The following KRT8 variants were observed in gnomAD, a reference collection of about 807,000 sequenced individuals.
KRT8 encodes the protein keratin, type II cytoskeletal 8.
Under a neutral mutation model 43.0 loss-of-function variants are expected in KRT8, and 24 were observed. That is an observed-to-expected ratio of 0.56 (90% CI 0.40 to 0.78). The LOEUF (loss-of-function observed/expected upper bound fraction) is 0.78. KRT8 is among the 30% of genes least tolerant of loss of function. The probability of loss-of-function intolerance (pLI) is 0.00; values close to 1 mark genes in which losing one functional copy is unlikely to be tolerated. For missense variants in KRT8, 492 were observed against 638.4 expected (o/e 0.77, Z 2.47); for synonymous variants, 214 against 261.2 (o/e 0.82, Z 1.74).
At chr12:52,949,359 C>A (rs771773665) in intron 2 of KRT8, 2 of 1,610,600 alleles carry the variant, frequency 1.2e-6, no homozygotes, top group Non-Finnish European at 1.7e-6. Context: ...GGTCCGGGGG[C>A]CTGGCCACCG....
chr12:52,943,158 G>A (rs74089293), intron 2 of KRT8, among the ~76,000 whole-genome samples: 2,254 of 152,256 alleles, frequency 0.015, 57 homozygotes, highest in African/African-American at 0.052. Context: ...CCGTCCATCA[G>A]TTCTGCGACC....
chr12:52,929,907 A>T (rs183815081), intron 2 of KRT8, among the ~76,000 whole-genome samples: 1 of 152,086 alleles, frequency 6.6e-6, no homozygotes, highest in African/African-American at 2.4e-5. Flanking sequence ...TGGATGTCCC[A>T]CCTAAGCCTC....
chr12:52,900,093 G>T (rs1026148086), intron 4 of KRT8, 28 bp from the exon 5 acceptor site: 2 of 1,610,502 alleles, frequency 1.2e-6, no homozygotes, highest in African/African-American at 1.3e-5. Context: ...AAGTGGTGAG[G>T]CCCTGTCTCT....
chr12:52,918,026 A>ACAG (rs1555188259), intron 2 of KRT8, among the ~76,000 whole-genome samples: 1 of 45,400 alleles, frequency 2.2e-5, no homozygotes, highest in Non-Finnish European at 4.8e-5. Flanking sequence ...GAGAAGAAGA[A>ACAG]GAGGAGGAGG....
chr12:52,901,545 G>A, intron 2 of KRT8: 1 of 555,058 alleles, frequency 1.8e-6, no homozygotes, highest in Non-Finnish European at 3.2e-6. Context: ...CTAAAGAGGG[G>A]CCAGAATGTT....
intron 2 of KRT8, among the ~76,000 whole-genome samples, chr12:52,939,061 G>T (rs2120725474): frequency 6.6e-6 from 1 of 151,826 alleles, no homozygotes; most frequent in South Asian, 2.1e-4. Context: ...CTCCAACCTG[G>T]GTGACAGAGC....
At chr12:52,932,502 G>A (rs1275219812) in intron 2 of KRT8, among the ~76,000 whole-genome samples, 1 of 152,056 alleles carries the variant, frequency 6.6e-6, no homozygotes, top group Non-Finnish European at 1.5e-5. Flanking sequence ...CCTCTTCCCT[G>A]TAGGTATGTT....
chr12:52,942,089 G>A (rs1335605279), intron 2 of KRT8, among the ~76,000 whole-genome samples: 1 of 152,038 alleles, frequency 6.6e-6, no homozygotes, highest in Non-Finnish European at 1.5e-5. Flanking sequence ...GATTATTATT[G>A]TCTAGTTGTA....
chr12:52,940,979 A>G (rs1852431086), intron 2 of KRT8, among the ~76,000 whole-genome samples: 2 of 152,008 alleles, frequency 1.3e-5, no homozygotes, highest in African/African-American at 4.8e-5. Context: ...TGGCATTTCC[A>G]CAGCTGCATC....
chr12:52,945,443 C>T (rs916457709), intron 2 of KRT8, among the ~76,000 whole-genome samples: 14 of 152,172 alleles, frequency 9.2e-5, no homozygotes, highest in African/African-American at 2.2e-4. Flanking sequence ...GTTGCTGTTC[C>T]GAACACCTCC....
intron 2 of KRT8, among the ~76,000 whole-genome samples, chr12:52,918,240 A>AGAAGAAGAAGAG (rs1941814446): frequency 1.3e-5 from 2 of 151,828 alleles, no homozygotes; most frequent in African/African-American, 4.8e-5. Context: ...AAGAAGAAGA[A>AGAAGAAGAAGAG]GAAGAAGAAG....
intron 2 of KRT8, among the ~76,000 whole-genome samples, chr12:52,932,423 CACA>C (rs1270569894): frequency 6.6e-6 from 1 of 152,038 alleles, no homozygotes; most frequent in Admixed American, 6.6e-5. Flanking sequence ...TTACTTTGTC[CACA>C]AGATCAGGAA....
intron 2 of KRT8, among the ~76,000 whole-genome samples, chr12:52,939,322 A>T (rs1379666503): frequency 6.6e-6 from 1 of 152,010 alleles, no homozygotes; most frequent in Non-Finnish European, 1.5e-5. Context: ...CCTGGCCAAC[A>T]TGGTGAAACT....
chr12:52,908,867 A>G (rs1198166904), upstream of KRT8, among the ~76,000 whole-genome samples: 1 of 152,128 alleles, frequency 6.6e-6, no homozygotes, highest in Non-Finnish European at 1.5e-5. Flanking sequence ...TTAGCCAGGT[A>G]TGGCGGCACA....
At chr12:52,903,247 T>C (rs1201350532) in intron 1 of KRT8, among the ~76,000 whole-genome samples, 1 of 144,432 alleles carries the variant, frequency 6.9e-6, no homozygotes, top group Non-Finnish European at 1.5e-5. Flanking sequence ...CTTTTGCCTA[T>C]ATGGATTTAG....
chr12:52,906,961 G>C (rs558330767), upstream of KRT8: 6 of 352,288 alleles, frequency 1.7e-5, no homozygotes, highest in East Asian at 4.5e-4. Flanking sequence ...CAGACACACA[G>C]ACAAGCTCTC....
At chr12:52,936,147 G>C (rs936758562) in intron 2 of KRT8, among the ~76,000 whole-genome samples, 1 of 152,126 alleles carries the variant, frequency 6.6e-6, no homozygotes, top group African/African-American at 2.4e-5. Context: ...AGCTACTCGG[G>C]AGGCCGAGGC....
upstream of KRT8, among the ~76,000 whole-genome samples, chr12:52,909,018 A>G (rs896936134): frequency 1.4e-5 from 2 of 143,918 alleles, no homozygotes; most frequent in Admixed American, 1.3e-4. Context: ...TGTCTCAAAA[A>G]TAAATAAATA....
intron 2 of KRT8, among the ~76,000 whole-genome samples, chr12:52,918,215 A>AAGAAGG (rs1565725766): frequency 8.9e-5 from 12 of 134,336 alleles, no homozygotes; most frequent in Non-Finnish European, 1.7e-4. Flanking sequence ...CAAGAAGAAG[A>AAGAAGG]AGAAGAAGAA....
Sources: gnomAD v4.1 joint callset for allele counts (sites outside exome capture counted in the v4.1 genomes callset) on GRCh38, gnomAD v4.1.1 for gene constraint, MANE v1.5 for transcripts, NCBI Gene and HGNC (gene_info 2026-07-23, HGNC 2026-07-21) for gene names.